ACYP2: variants seen among roughly 807,000 people sequenced by gnomAD.
ACYP2 encodes acylphosphatase 2.
In ACYP2, 12 loss-of-function variants were observed where a neutral mutation model predicts 11.2. The ratio of observed to expected loss-of-function variants is 1.08; its 90% CI spans 0.69 to 1.74. ACYP2 has a LOEUF of 1.74. ACYP2 is among the 40% of genes most tolerant of loss of function. ACYP2 has a pLI of 0.00. For synonymous variants in ACYP2, 43 were observed against 32.2 expected, an observed-to-expected ratio of 1.33 and a Z score of -1.13; for missense variants, 134 against 101.9, an observed-to-expected ratio of 1.31 and a Z score of -1.35.
chr2:54,003,966 T>G (rs966315799), intron 2 of ACYP2, among the ~76,000 whole-genome samples: 2 of 152,002 alleles, frequency 1.3e-5, no homozygotes, highest in Admixed American at 1.3e-4. Flanking sequence ...TGTTTTTGTT[T>G]TGTGTTTTGT....
chr2:54,023,321 T>G (rs1301737802), intron 2 of ACYP2, among the ~76,000 whole-genome samples: 1 of 152,184 alleles, frequency 6.6e-6, no homozygotes, highest in African/African-American at 2.4e-5. Flanking sequence ...ATAAGAAATG[T>G]CACACTAATT....
At chr2:54,190,781 C>G (rs1558599979) in intron 6 of ACYP2, among the ~76,000 whole-genome samples, 1 of 152,276 alleles carries the variant, frequency 6.6e-6, no homozygotes, top group East Asian at 1.9e-4. Flanking sequence ...AGTCACATGT[C>G]AAGCTGCTTC....
rs60289014 is a variant in ACYP2, at chr2:54,013,255, A to ATGTGTG, written c.63-37647_63-37642dup. 8.3e-4 allele frequency among the ~76,000 whole-genome samples: 98 copies of ATGTGTG among 117,598 alleles called. 1 individual carries two copies. Among genetic ancestry groups the ATGTGTG allele is most frequent in the Non-Finnish European group, 1.4e-3 (77 of 56,736 alleles). The allele number at this position is 117,598 out of a possible 152,430, so 77.1% of individuals were successfully genotyped here. ...AATATAACATTTACCACCATCTAAT[A>ATGTGTG]TGTGTGTGTGTGTGTGTGTGTGTGT... On this transcript the variant is annotated intron_variant, in intron 2 of 6. Coordinates refer to ENST00000607452, the MANE Select transcript of ACYP2 (RefSeq NM_001320586.2).
chr2:54,017,655 T>C (rs1163963996), intron 2 of ACYP2, among the ~76,000 whole-genome samples: 2 of 152,304 alleles, frequency 1.3e-5, no homozygotes, highest in Non-Finnish European at 2.9e-5. Flanking sequence ...ATCTTATAGA[T>C]AGACGTAGTT....
intron 6 of ACYP2, among the ~76,000 whole-genome samples, chr2:54,195,249 A>T (rs957584529): frequency 6.6e-6 from 1 of 152,142 alleles, no homozygotes; most frequent in African/African-American, 2.4e-5. Flanking sequence ...TCACAAACCA[A>T]TTTACCTAGC....
chr2:53,977,335 G>A (rs749513728), intron 2 of ACYP2, among the ~76,000 whole-genome samples: 12 of 151,998 alleles, frequency 7.9e-5, no homozygotes, highest in Non-Finnish European at 1.5e-4. Flanking sequence ...GTGAGCCGCC[G>A]CGCCTGGCCA....
intron 4 of ACYP2, among the ~76,000 whole-genome samples, chr2:54,059,069 C>G (rs959415012): frequency 6.6e-6 from 1 of 152,100 alleles, no homozygotes; most frequent in African/African-American, 2.4e-5. Context: ...TGGATTTAGG[C>G]AGTTTTTTAT....
intron 4 of ACYP2, among the ~76,000 whole-genome samples, chr2:54,128,778 G>A (rs144444524): frequency 3.3e-5 from 5 of 151,658 alleles, no homozygotes; most frequent in African/African-American, 9.7e-5. Flanking sequence ...TAGGGCAAGC[G>A]TGGTACTATG....
chr2:54,011,310 C>A (rs139677597), intron 2 of ACYP2, among the ~76,000 whole-genome samples: 1 of 152,200 alleles, frequency 6.6e-6, no homozygotes, highest in East Asian at 1.9e-4. Context: ...CCCATTTAAA[C>A]GTAATTTTTA....
chr2:54,139,422 G>T lies in ACYP2; in HGVS notation c.404+674G>T, dbSNP rs900718861. On this transcript the variant is annotated intron_variant, in intron 6 of 6. Coordinates refer to ENST00000607452, the MANE Select transcript of ACYP2 (RefSeq NM_001320586.2). The stretch of plus-strand genomic sequence containing the variant: ...TATGAATCCTTGAAGTCCAAGAGAG[G>T]CCAGATTCAGTAATATGGGGAAAAA... Among the ~76,000 whole-genome samples, 6 of 152,286 alleles carry T rather than the reference G, an allele frequency of 3.9e-5. No homozygotes were observed. The South Asian group carries it at 1.2e-3, about 32-fold the overall frequency.
Position 54,192,763 on chromosome 2 carries a change from T to TAGGG in ACYP2, c.404+54019_404+54022dup, listed in dbSNP as rs148229838. Among the ~76,000 whole-genome samples, 759 of 152,306 alleles carry TAGGG rather than the reference T, an allele frequency of 5.0e-3. 6 individuals carry two copies. The highest frequency in any genetic ancestry group is 0.018 in the African/African-American group (731 of 41,568). ...TTATTGACTCACGGTTCTGCATGGC[T>TAGGG]AGGGAGGCCTGAGGAAACTTACAAT... On this transcript the variant is annotated intron_variant, in intron 6 of 6. Transcript: ENST00000607452.
chr2:54,195,646 A>G (rs1277244591), intron 6 of ACYP2, among the ~76,000 whole-genome samples: 1 of 138,068 alleles, frequency 7.2e-6, no homozygotes, highest in African/African-American at 2.7e-5. Flanking sequence ...GGCAAAAAAA[A>G]AAAAACAAAA....
At chr2:54,199,516 G>A (rs770607998) in intron 6 of ACYP2, among the ~76,000 whole-genome samples, 18 of 152,204 alleles carry the variant, frequency 1.2e-4, no homozygotes, top group Admixed American at 6.5e-5. Flanking sequence ...GAGAAGACAG[G>A]ATAGAGACTT....
intron 6 of ACYP2, among the ~76,000 whole-genome samples, chr2:54,208,129 C>G (rs912774181): frequency 1.6e-4 from 25 of 152,142 alleles, no homozygotes; most frequent in African/African-American, 4.3e-4. Flanking sequence ...TTCAGTCACA[C>G]TCACCCTCTA....
At chr2:54,203,777 A>T (rs1213942876) in intron 6 of ACYP2, among the ~76,000 whole-genome samples, 1 of 151,302 alleles carries the variant, frequency 6.6e-6, no homozygotes. Flanking sequence ...TCATATGTCA[A>T]AACTGGAATA....
chr2:54,287,509 T>A (rs918377425), intron 6 of ACYP2, among the ~76,000 whole-genome samples: 3 of 151,984 alleles, frequency 2.0e-5, no homozygotes, highest in African/African-American at 7.3e-5. Flanking sequence ...ACTCATAGAA[T>A]GTGTTAGAGG....
chr2:54,002,682 G>C (rs189180118), intron 2 of ACYP2, among the ~76,000 whole-genome samples: 13 of 137,900 alleles, frequency 9.4e-5, no homozygotes, highest in African/African-American at 3.6e-4. Flanking sequence ...ACGGAGTTTC[G>C]CTCTTGCTGC....
intron 4 of ACYP2, among the ~76,000 whole-genome samples, chr2:54,104,538 C>T (rs1185101247): frequency 6.6e-6 from 1 of 152,150 alleles, no homozygotes; most frequent in African/African-American, 2.4e-5. Context: ...TTTTACCAAA[C>T]TGCTAGATAC....
intron 4 of ACYP2, chr2:54,115,709 C>A (rs147678096): frequency 5.0e-6 from 8 of 1,612,752 alleles, no homozygotes; most frequent in African/African-American, 2.7e-5. Flanking sequence ...ATGTCTACCG[C>A]CCAGTCACTC....
Sources: gnomAD v4.1 joint callset for allele counts (sites outside exome capture counted in the v4.1 genomes callset) on GRCh38, gnomAD v4.1.1 for gene constraint, MANE v1.5 for transcripts, NCBI Gene and HGNC (gene_info 2026-07-23, HGNC 2026-07-21) for gene names.